Variants in PCID2 observed in about 807,000 individuals in gnomAD.
PCID2 encodes the protein PCI domain-containing protein 2.
Under a neutral mutation model 61.3 loss-of-function variants are expected in PCID2, and 41 were observed. The observed-to-expected ratio is 0.67, with a 90% CI of 0.52 to 0.87. PCID2 has a LOEUF of 0.87. Among genes scored for constraint, PCID2 ranks in the 40% least tolerant of loss-of-function variants. PCID2 has a pLI of 0.00. For synonymous variants in PCID2, 187 were observed against 177.8 expected (o/e 1.05, Z -0.41); for missense variants, 392 against 493.4 (o/e 0.79, Z 1.95).
At chr13:113,170,321 G>A in the PCID2 span, 1 of 789,348 alleles carries the variant, frequency 1.3e-6, no homozygotes, top group South Asian at 1.4e-5. Flanking sequence ...GTGGGGGTGG[G>A]GGGGTGGTCC....
At chr13:113,181,503 A>C (rs1181836950) in intron 9 of PCID2, among the ~76,000 whole-genome samples, 3 of 152,240 alleles carry the variant, frequency 2.0e-5, no homozygotes, top group African/African-American at 4.8e-5. Flanking sequence ...GATTTGCCTA[A>C]GGTCAGCTGG....
intron 6 of PCID2, among the ~76,000 whole-genome samples, chr13:113,192,648 T>G (rs1374331599): frequency 6.6e-6 from 1 of 152,238 alleles, no homozygotes; most frequent in East Asian, 1.9e-4. Flanking sequence ...TTAGCAGCTT[T>G]TCCTTACTCC....
chr13:113,200,382 C>G, intron 2 of PCID2, 45 bp downstream of exon 2: 2 of 1,116,624 alleles, frequency 1.8e-6, no homozygotes, highest in Non-Finnish European at 2.7e-6. Context: ...AGTGGTTACC[C>G]TGTAATTGTC....
rs1369467702 is a variant in PCID2 at position 113,208,430 on chromosome 13, G to C, written c.36+169C>G. 6 of 1,499,770 alleles carry C rather than the reference G, an allele frequency of 4.0e-6. No individual in the cohort carries two copies. The Admixed American group carries it at 1.2e-4, about 31-fold the overall frequency. 92.9% of individuals were successfully genotyped at this position (1,499,770 alleles called of 1,614,324 possible). ...AGGGGAGAACTCGGGCCGCCTTCCC[G>C]AGTCCCGGCCGCCGCTGTTCGGCTC... On this transcript the variant is annotated intron_variant, in intron 1 of 13. Coordinates refer to ENST00000337344, the MANE Select transcript of PCID2 (RefSeq NM_001127202.4).
At chr13:113,176,250 T>TA (rs142460624), downstream of PCID2, among the ~76,000 whole-genome samples, 721 of 152,374 alleles carry the variant, frequency 4.7e-3, 5 homozygotes, top group African/African-American at 0.016. Context: ...GATGAGCTCT[T>TA]ATAGTTTGTG....
chr13:113,200,101 T>G (rs2039304786), intron 2 of PCID2, among the ~76,000 whole-genome samples: 1 of 152,174 alleles, frequency 6.6e-6, no homozygotes. Context: ...ACACCTGTGG[T>G]ACATGACGTC....
chr13:113,177,909 G>T lies in PCID2; in HGVS notation c.*289C>A. 4.2e-6 allele frequency: 1 copy of T among 236,508 alleles called. No individual in the cohort carries two copies. 14.7% of individuals were successfully genotyped at this position (236,508 alleles called of 1,614,324 possible). A position where few individuals can be genotyped will look rare whatever the true frequency, so the allele number is the denominator to read the frequency against. ...TTCAGGAACCACACTTAGGAAAAGT[G>T]AGCCGAGCAGCCTTCACGCAAAGCC... On this transcript the variant is annotated 3_prime_UTR_variant, in exon 14 of 14. Transcript: ENST00000337344.
intron 1 of PCID2, 136 bp downstream of exon 1, chr13:113,208,463 T>C: frequency 6.5e-7 from 1 of 1,527,932 alleles, no homozygotes; most frequent in Non-Finnish European, 8.8e-7. Flanking sequence ...CTCGCGCGGC[T>C]GCCCGCCGGG....
intron 1 of PCID2, among the ~76,000 whole-genome samples, chr13:113,201,571 G>C (rs2039430239): frequency 6.6e-6 from 1 of 152,056 alleles, no homozygotes; most frequent in South Asian, 2.1e-4. Context: ...CAGCACTTTG[G>C]GAGGCCGAGG....
chr13:113,169,109 GA>G, the PCID2 span, among the ~76,000 whole-genome samples: 1 of 151,978 alleles, frequency 6.6e-6, no homozygotes, highest in African/African-American at 2.4e-5. Flanking sequence ...TAAGCTGTTT[GA>G]AATCCCATAG....
chr13:113,195,475 C>G (rs1261171665), intron 5 of PCID2, among the ~76,000 whole-genome samples: 5 of 152,196 alleles, frequency 3.3e-5, no homozygotes. Flanking sequence ...ATCAGATTTC[C>G]TAACAGGAAC....
downstream of PCID2, among the ~76,000 whole-genome samples, chr13:113,176,491 G>C (rs2037188497): frequency 1.3e-5 from 2 of 152,308 alleles, no homozygotes; most frequent in East Asian, 1.9e-4. Context: ...GCCGGGTGTG[G>C]TGGCACATGC....
Position 113,179,496 on chromosome 13 carries a change from C to A in PCID2, c.987-407G>T, listed in dbSNP as rs1012633359. 6.6e-6 allele frequency among the ~76,000 whole-genome samples: 1 copy of A among 151,854 alleles called. No homozygotes were observed. The highest frequency in any genetic ancestry group is 2.4e-5 in the African/African-American group (1 of 41,390). ...TTACACAACTGAGATCCTGCTGGGA[C>A]GAGGCCTCAGAAGACGTGTGAGGAA... On this transcript the variant is annotated intron_variant, in intron 12 of 13. Transcript: ENST00000337344. The surrounding 1 kb of genome is among the most constrained non-coding windows in gnomAD (Gnocchi z 4.3).
chr13:113,179,865 C>A lies in PCID2; in HGVS notation c.986+52G>T. On this transcript the variant is annotated intron_variant, in intron 12 of 13. Coordinates refer to ENST00000337344, the MANE Select transcript of PCID2 (RefSeq NM_001127202.4). This position sits in a 1 kb window ranked among gnomAD's most constrained non-coding sequence, Gnocchi z 4.3. ...GACTGCAACAGCCCTGGATGTCTGA[C>A]TGCTCTGCCGAGAGCCACACTGGGA... 6.4e-7 allele frequency: 1 copy of A among 1,572,496 alleles called. No individual in the cohort carries two copies.
chr13:113,167,367 C>T, the PCID2 span, among the ~76,000 whole-genome samples: 2 of 152,174 alleles, frequency 1.3e-5, no homozygotes, highest in African/African-American at 2.4e-5. Flanking sequence ...AACGACGCCA[C>T]GGTAAAGTTG....
intron 7 of PCID2, among the ~76,000 whole-genome samples, chr13:113,190,486 A>G (rs1342005619): frequency 6.6e-6 from 1 of 152,164 alleles, no homozygotes; most frequent in Admixed American, 6.5e-5. Flanking sequence ...TTCACTGGTA[A>G]AGAGAGAACA....
At chr13:113,196,250 C>G (rs745912213) in intron 4 of PCID2, 28 bp from the exon 5 acceptor site, 1 of 1,534,366 alleles carries the variant, frequency 6.5e-7, no homozygotes, top group Admixed American at 1.7e-5. Flanking sequence ...ATATGGCATA[C>G]AAAGTTCAAA....
At chr13:113,194,098 C>T (rs2138836868) in intron 6 of PCID2, among the ~76,000 whole-genome samples, 1 of 152,280 alleles carries the variant, frequency 6.6e-6, no homozygotes, top group African/African-American at 2.4e-5. Context: ...CCCTGCTTAG[C>T]CTCTGACATC....
At chr13:113,206,093 TCA>T (rs1267895776) in intron 1 of PCID2, among the ~76,000 whole-genome samples, 1 of 152,030 alleles carries the variant, frequency 6.6e-6, no homozygotes, top group African/African-American at 2.4e-5. Context: ...AAACAGAGAG[TCA>T]ATGAAGTTTT....
Sources: gnomAD v4.1 joint callset for allele counts (sites outside exome capture counted in the v4.1 genomes callset) on GRCh38, gnomAD v4.1.1 for gene constraint, Gnocchi (gnomAD v3.1) non-coding constraint, MANE v1.5 for transcripts, NCBI Gene and HGNC (gene_info 2026-07-23, HGNC 2026-07-21) for gene names.